The following PHACTR4 variants were observed in gnomAD, a reference collection of about 807,000 sequenced individuals.
PHACTR4 encodes the protein phosphatase and actin regulator 4.
PHACTR4 carries 51 observed loss-of-function variants against 72.7 expected under a neutral mutation model. That is an observed-to-expected ratio of 0.70 (90% CI 0.56 to 0.89). The LOEUF is 0.89. Among genes scored for constraint, PHACTR4 ranks in the 40% least tolerant of loss-of-function variants. The pLI is 0.00. For synonymous variants in PHACTR4, 255 were observed against 302.5 expected (o/e 0.84, Z 1.63); for missense variants, 731 against 861.8 (o/e 0.85, Z 1.90).
At chr1:28,441,061 T>G (rs1249904289) in intron 2 of PHACTR4, among the ~76,000 whole-genome samples, 1 of 152,178 alleles carries the variant, frequency 6.6e-6, no homozygotes, top group Non-Finnish European at 1.5e-5. Flanking sequence ...TATTATTACT[T>G]TCAGGCACTG....
intron 1 of PHACTR4, among the ~76,000 whole-genome samples, chr1:28,396,481 A>C (rs1025679767): frequency 6.6e-6 from 1 of 151,538 alleles, no homozygotes; most frequent in Admixed American, 6.6e-5. Context: ...CAGTGAGCTG[A>C]GATCGCACCA....
chr1:28,465,687 G>C lies in PHACTR4; in HGVS notation c.274G>C (p.Gly92Arg), dbSNP rs993509579. 8 of 1,612,336 alleles carry C rather than the reference G, an allele frequency of 5.0e-6. No homozygotes were observed. Among genetic ancestry groups the C allele is most frequent in the Admixed American group, 3.4e-5 (2 of 59,572 alleles). The change falls in exon 5 of 14, where the codon GGT (glycine) becomes CGT (arginine). Residue 92 changes from glycine (G) to arginine (R), a missense_variant and splice_region_variant. This residue lies in a region of PHACTR4 where 621 missense variants were observed against 676.6 expected (regional missense o/e 0.92). Coordinates refer to ENST00000373839, the MANE Select transcript of PHACTR4 (RefSeq NM_001048183.3). ...TGTACTCTTCTTTCACCTTGCAGGT[G>C]GTGAGGATCCAGGAAAGCCAAGCGA... is the stretch of plus-strand genomic sequence containing the variant. ...GVLLEDPEQG[G>R]EDPGKPSDAM...
At chr1:28,468,126 G>A (rs1050984845) in intron 6 of PHACTR4, among the ~76,000 whole-genome samples, 3 of 152,156 alleles carry the variant, frequency 2.0e-5, no homozygotes, top group Non-Finnish European at 4.4e-5. Context: ...GATGAAAACA[G>A]GATGAAGTTG....
chr1:28,402,262 C>G (rs922346158), intron 1 of PHACTR4, among the ~76,000 whole-genome samples: 1 of 151,892 alleles, frequency 6.6e-6, no homozygotes, highest in African/African-American at 2.4e-5. Flanking sequence ...TAGGGAATAC[C>G]TGGGGGGGAA....
rs755021512 is a variant in PHACTR4 at position 28,466,752 on chromosome 1, T to C, written c.807T>C (p.Asn269=). Residue 269 remains asparagine, a synonymous_variant, in exon 6 of 14, where the codon AAT becomes AAC. Coordinates refer to ENST00000373839, the MANE Select transcript of PHACTR4 (RefSeq NM_001048183.3). ...CTCCCCCTAAACCAGCTCACAGAAATAGCAACCCTGTCATTGGTAAGTAAG... is the reference window on the plus strand; with the variant it reads ...CTCCCCCTAAACCAGCTCACAGAAACAGCAACCCTGTCATTGGTAAGTAAG... The part of the protein sequence containing the change: ...PIPPPKPAHR[N]SNPVIAELSQ... The C allele has an allele frequency of 3.5e-5, 56 of 1,610,354 alleles. No individual in the cohort carries two copies. The highest frequency in any genetic ancestry group is 5.9e-6 in the Non-Finnish European group (7 of 1,177,630).
At chr1:28,489,920 C>T (rs1260579180) in intron 10 of PHACTR4, 1 of 518,274 alleles carries the variant, frequency 1.9e-6, no homozygotes, top group East Asian at 5.5e-5. Flanking sequence ...TAACTTAGTA[C>T]ATTTTCTAGT....
chr1:28,392,602 C>T (rs149551971), intron 1 of PHACTR4, among the ~76,000 whole-genome samples: 2 of 151,668 alleles, frequency 1.3e-5, no homozygotes, highest in East Asian at 3.9e-4. Flanking sequence ...GAGGTTTTGC[C>T]ATGTTACCTC....
intron 2 of PHACTR4, among the ~76,000 whole-genome samples, chr1:28,458,106 G>A: frequency 9.9e-6 from 1 of 101,074 alleles, no homozygotes; most frequent in Admixed American, 9.6e-5. Context: ...TGGTGTGTGT[G>A]TTTGTGTGTG....
At chr1:28,381,980 C>T (rs1569756889) in intron 1 of PHACTR4, among the ~76,000 whole-genome samples, 1 of 151,980 alleles carries the variant, frequency 6.6e-6, no homozygotes, top group African/African-American at 2.4e-5. Context: ...GTTGGCCAGG[C>T]TGGTCTCGAA....
chr1:28,428,890 G>C (rs1202980662), intron 2 of PHACTR4, among the ~76,000 whole-genome samples: 1 of 152,188 alleles, frequency 6.6e-6, no homozygotes, highest in African/African-American at 2.4e-5. Flanking sequence ...GTAAACTGAA[G>C]TGCATGTAAG....
intron 9 of PHACTR4, chr1:28,481,414 G>A (rs1032877644): frequency 6.6e-6 from 1 of 152,166 alleles, no homozygotes; most frequent in African/African-American, 2.4e-5. Context: ...GGATGGAAGA[G>A]GCCCTTTGGG....
At chr1:28,399,302 ACT>A (rs763295711) in intron 1 of PHACTR4, among the ~76,000 whole-genome samples, 55 of 152,098 alleles carry the variant, frequency 3.6e-4, no homozygotes, top group East Asian at 3.9e-4. Context: ...ACAGAGCAAG[ACT>A]CTGTCTCAAA....
chr1:28,435,620 G>T (rs981044854), intron 2 of PHACTR4, among the ~76,000 whole-genome samples: 7 of 152,198 alleles, frequency 4.6e-5, no homozygotes, highest in African/African-American at 1.7e-4. Flanking sequence ...GACTTAGAGA[G>T]GTGAAGTAAC....
intron 2 of PHACTR4, among the ~76,000 whole-genome samples, chr1:28,427,040 TAATACA>T (rs67053706): frequency 0.38 from 58,296 of 151,750 alleles, 12,842 homozygotes; most frequent in African/African-American, 0.6. Flanking sequence ...CTCATTTTAA[TAATACA>T]AATGTAAATA....
intron 1 of PHACTR4, 146 bp from the exon 2 acceptor site, chr1:28,407,264 A>C (rs67820840): frequency 5.4e-6 from 2 of 369,802 alleles, no homozygotes; most frequent in East Asian, 3.9e-5. Flanking sequence ...AAAAAAAAAA[A>C]CTATCATTTA....
intron 9 of PHACTR4, among the ~76,000 whole-genome samples, chr1:28,484,289 C>G (rs1660481645): frequency 6.6e-6 from 1 of 152,060 alleles, no homozygotes; most frequent in Admixed American, 6.6e-5. Context: ...CCATGGCACT[C>G]CAGTCTGGAC....
At chr1:28,443,283 CTT>C (rs1033920785) in intron 2 of PHACTR4, among the ~76,000 whole-genome samples, 2 of 51,768 alleles carry the variant, frequency 3.9e-5, no homozygotes, top group Non-Finnish European at 8.8e-5. Flanking sequence ...CTCTCTCTCT[CTT>C]CTTTCTTTCT....
chr1:28,377,874 G>A (rs1324281484), intron 1 of PHACTR4, among the ~76,000 whole-genome samples: 2 of 151,734 alleles, frequency 1.3e-5, no homozygotes, highest in Non-Finnish European at 2.9e-5. Flanking sequence ...TGGTTGGTGA[G>A]AGGGTTTAGA....
Position 28,477,933 on chromosome 1 carries a change from C to A in PHACTR4, c.1606+1642C>A, listed in dbSNP as rs572966750. Among the ~76,000 whole-genome samples the A allele has an allele frequency of 6.6e-5, 10 of 152,206 alleles. No individual in the cohort carries two copies. In the South Asian group the frequency reaches 1.2e-3, roughly 19 times the overall value. On this transcript the variant is annotated intron_variant, in intron 8 of 13. Transcript: ENST00000373839. ...GAACTTGTGAGCTCAAAGTGATCTG[C>A]CCACCTCAGCTCCCAAAGTGCTGCG...
Sources: allele counts gnomAD v4.1 joint callset (sites outside exome capture counted in the v4.1 genomes callset), GRCh38; gene constraint gnomAD v4.1.1; regional missense constraint gnomAD v4.1.1; transcripts MANE v1.5; gene names NCBI Gene and HGNC (gene_info 2026-07-23, HGNC 2026-07-21).